Variants in PKD1L1 observed in about 807,000 individuals in gnomAD.
PKD1L1 encodes the protein polycystin 1 like 1, transient receptor potential channel interacting, also known as polycystin-1-like protein 1.
Under a neutral mutation model 323.4 loss-of-function variants are expected in PKD1L1, and 236 were observed. The observed-to-expected ratio is 0.73, with a 90% CI of 0.66 to 0.81. The LOEUF (loss-of-function observed/expected upper bound fraction) is 0.81, where lower values mean the gene tolerates loss of function less well. PKD1L1 is among the 40% of genes least tolerant of loss of function. The pLI, the probability that PKD1L1 is intolerant of heterozygous loss-of-function variation, is 0.00. For missense variants in PKD1L1, 3,320 were observed against 3,508.0 expected (o/e 0.95, Z 1.35); for synonymous variants, 1,344 against 1,335.0 (o/e 1.01, Z -0.15).
chr7:47,884,150 G>GGTGT (rs541146185), intron 19 of PKD1L1, among the ~76,000 whole-genome samples: 2 of 148,616 alleles, frequency 1.3e-5, no homozygotes, highest in Admixed American at 1.3e-4. Context: ...ATACTGAGCT[G>GGTGT]GTGTGTGTGT....
intron 16 of PKD1L1, among the ~76,000 whole-genome samples, chr7:47,889,208 C>T (rs1302734843): frequency 1.3e-5 from 2 of 152,184 alleles, no homozygotes; most frequent in Non-Finnish European, 1.5e-5. Context: ...ACATCATCCA[C>T]ATAGGCCTGG....
intron 56 of PKD1L1, among the ~76,000 whole-genome samples, chr7:47,789,163 C>T (rs1441126078): frequency 2.0e-5 from 3 of 152,124 alleles, no homozygotes; most frequent in Non-Finnish European, 4.4e-5. Flanking sequence ...GTTTGAAGGT[C>T]GTTCTGGACT....
chr7:47,893,871 T>C lies in PKD1L1; in HGVS notation c.2453+7A>G, dbSNP rs1562977267. The C allele has an allele frequency of 6.2e-7, 1 of 1,611,738 alleles. No homozygotes were observed. Reference sequence around the variant, plus strand: ...GCTGCGCAGCTCTGTGTGGGGGTGGTGCTCACCTGAGAGTCGCCCCAGGGT... The same window carrying C: ...GCTGCGCAGCTCTGTGTGGGGGTGGCGCTCACCTGAGAGTCGCCCCAGGGT... On this transcript the variant is annotated splice_region_variant and intron_variant, in intron 15 of 56. Coordinates refer to ENST00000289672, the MANE Select transcript of PKD1L1 (RefSeq NM_138295.5).
At chr7:47,897,285 A>T (rs1786976674) in intron 14 of PKD1L1, among the ~76,000 whole-genome samples, 1 of 152,164 alleles carries the variant, frequency 6.6e-6, no homozygotes, top group African/African-American at 2.4e-5. Context: ...TTAAAAGAAC[A>T]AAGCTCCTTC....
intron 56 of PKD1L1, among the ~76,000 whole-genome samples, chr7:47,788,206 C>CA (rs1386292488): frequency 6.6e-6 from 1 of 151,302 alleles, no homozygotes; most frequent in African/African-American, 2.4e-5. Flanking sequence ...CAAATGCAGC[C>CA]ATGGAAAAAA....
chr7:47,873,002 T>C (rs1162906349), intron 24 of PKD1L1, among the ~76,000 whole-genome samples: 1 of 152,242 alleles, frequency 6.6e-6, no homozygotes, highest in African/African-American at 2.4e-5. Flanking sequence ...GAAGTACTAA[T>C]ATATTTTGCT....
In PKD1L1 at chr7:47,827,348, A is replaced by G; in HGVS notation, c.6854+2T>C. 1 of 1,602,858 alleles carries G rather than the reference A, an allele frequency of 6.2e-7. No individual in the cohort carries two copies. The highest frequency in any genetic ancestry group is 1.3e-5 in the African/African-American group (1 of 74,540). On this transcript the variant is annotated splice_donor_variant, in intron 45 of 56. Coordinates refer to ENST00000289672, the MANE Select transcript of PKD1L1 (RefSeq NM_138295.5). LOFTEE classifies it high-confidence loss of function. Reference sequence around the variant, plus strand: ...GCCCTCCCGACAGAAGCCGCCACCCACCTCAGGGCAGCCCGTGTGCGACTC... The same window carrying G: ...GCCCTCCCGACAGAAGCCGCCACCCGCCTCAGGGCAGCCCGTGTGCGACTC...
chr7:47,796,999 CAAAA>C (rs10600940), intron 54 of PKD1L1, among the ~76,000 whole-genome samples: 10 of 129,500 alleles, frequency 7.7e-5, no homozygotes, highest in Non-Finnish European at 8.1e-5. Flanking sequence ...GACTCCGTCT[CAAAA>C]AAAAAAAAAA....
chr7:47,795,383 A>G (rs993802551), intron 55 of PKD1L1: 19 of 455,272 alleles, frequency 4.2e-5, no homozygotes, highest in Non-Finnish European at 7.5e-5. Context: ...TGCCACCACC[A>G]TGTAAGAAGT....
chr7:47,795,916 C>A, intron 55 of PKD1L1, 73 bp downstream of exon 55: 1 of 1,528,706 alleles, frequency 6.5e-7, no homozygotes, highest in Non-Finnish European at 8.9e-7. Flanking sequence ...TAACTGAAAG[C>A]AAAATTCTGC....
chr7:47,904,905 C>T (rs1036386795), intron 11 of PKD1L1, among the ~76,000 whole-genome samples: 10 of 151,976 alleles, frequency 6.6e-5, no homozygotes, highest in African/African-American at 2.4e-4. Flanking sequence ...CATGGGTGGC[C>T]GAGATAGAAT....
intron 54 of PKD1L1, among the ~76,000 whole-genome samples, chr7:47,798,010 A>G (rs1784580061): frequency 6.6e-6 from 1 of 152,220 alleles, no homozygotes; most frequent in Non-Finnish European, 1.5e-5. Context: ...TAGGATGCCA[A>G]TTCCCCCCAA....
chr7:47,948,215 T>C (rs942046881), intron 1 of PKD1L1, among the ~76,000 whole-genome samples, 182 bp downstream of exon 1: 1 of 151,974 alleles, frequency 6.6e-6, no homozygotes, highest in Admixed American at 6.6e-5. Flanking sequence ...AAAACTCCAT[T>C]CTCAACACCA....
chr7:47,839,067 A>G lies in PKD1L1; in HGVS notation c.5769+379T>C, dbSNP rs1354748982. 1.3e-5 allele frequency among the ~76,000 whole-genome samples: 2 copies of G among 152,120 alleles called. No homozygotes were observed. Among genetic ancestry groups the G allele is most frequent in the Non-Finnish European group, 2.9e-5 (2 of 68,022 alleles). On this transcript the variant is annotated intron_variant, in intron 36 of 56. Coordinates refer to ENST00000289672, the MANE Select transcript of PKD1L1 (RefSeq NM_138295.5). This position sits in a 1 kb window ranked among gnomAD's most constrained non-coding sequence, Gnocchi z 4.3. ...CTCCTGCCATCCTGGACCTGACCAC[A>G]TCTATACCACATCTGTAATTACTCT...
chr7:47,948,579 A>C, upstream of PKD1L1: 1 of 757,558 alleles, frequency 1.3e-6, no homozygotes, highest in Non-Finnish European at 2.2e-6. Context: ...TCAAACACAG[A>C]GGGAAAAATC....
At chr7:47,898,646 AT>A (rs1298107036) in intron 13 of PKD1L1, among the ~76,000 whole-genome samples, 6 of 151,980 alleles carry the variant, frequency 3.9e-5, no homozygotes, top group Non-Finnish European at 8.8e-5. Flanking sequence ...TGCTTTCCCT[AT>A]TTTTTTCTTC....
At chr7:47,790,190 AATTTT>A (rs1347372942) in intron 56 of PKD1L1, among the ~76,000 whole-genome samples, 1 of 151,072 alleles carries the variant, frequency 6.6e-6, no homozygotes, top group Non-Finnish European at 1.5e-5. Flanking sequence ...CGCCTGACCC[AATTTT>A]ATTTTATTTT....
At chr7:47,874,113 A>C (rs532717566) in intron 23 of PKD1L1, 103 bp from the exon 24 acceptor site, 13 of 724,686 alleles carry the variant, frequency 1.8e-5, no homozygotes, top group East Asian at 1.4e-4. Flanking sequence ...AACTGTGACA[A>C]GTGCTGACAA....
intron 14 of PKD1L1, among the ~76,000 whole-genome samples, chr7:47,897,658 T>A (rs1226087901): frequency 6.6e-6 from 1 of 152,160 alleles, no homozygotes; most frequent in Non-Finnish European, 1.5e-5. Context: ...CCTTTCTGGG[T>A]GATTGGCCCC....
Sources: gnomAD v4.1 joint callset for allele counts (sites outside exome capture counted in the v4.1 genomes callset) on GRCh38, gnomAD v4.1.1 for gene constraint, Gnocchi (gnomAD v3.1) non-coding constraint, MANE v1.5 for transcripts, NCBI Gene and HGNC (gene_info 2026-07-23, HGNC 2026-07-21) for gene names.